FSIP2: variants seen among roughly 807,000 people sequenced by gnomAD.
FSIP2 encodes fibrous sheath-interacting protein 2.
A neutral mutation model predicts 510.5 loss-of-function variants in FSIP2; 367 were observed. The ratio of observed to expected loss-of-function variants is 0.72; its 90% CI spans 0.66 to 0.78. The LOEUF is 0.78. FSIP2 is among the 30% of genes least tolerant of loss of function. FSIP2 has a pLI of 0.00. For synonymous variants in FSIP2, 2,601 were observed against 2,732.2 expected, an observed-to-expected ratio of 0.95 and a Z score of 1.50; for missense variants, 7,594 against 7,901.7, an observed-to-expected ratio of 0.96 and a Z score of 1.48.
Position 185,801,396 on chromosome 2 carries a change from A to C in FSIP2, c.12090A>C (p.Glu4030Asp). The change falls in exon 17 of 23, where the codon GAA (glutamate) becomes GAC (aspartate). Residue 4030 changes from glutamate (E) to aspartate (D), a missense_variant. Transcript: ENST00000424728. ...NAQVTVLRNA[E>D]ERLCFPPVHT... ...AAGTCACTGTTCTACGGAATGCTGA[A>C]GAAAGGCTGTGTTTTCCACCAGTTC... 1 of 1,534,212 alleles carries C rather than the reference A, an allele frequency of 6.5e-7. No individual in the cohort carries two copies. Among genetic ancestry groups the C allele is most frequent in the Non-Finnish European group, 8.7e-7 (1 of 1,145,636 alleles).
At position 185,746,292 on chromosome 2, in the gene FSIP2, T is replaced by G. The variant is rs571675618; in HGVS notation, c.618-377T>G. Among the ~76,000 whole-genome samples the G allele has an allele frequency of 2.0e-3, 305 of 152,216 alleles. 4 individuals carry two copies. The highest frequency in any genetic ancestry group is 7.1e-3 in the African/African-American group (296 of 41,536). On this transcript the variant is annotated intron_variant, in intron 5 of 22. Transcript: ENST00000424728. ...CTTAGAGAATTCAAATGGACTGTTT[T>G]TTTTTTTCCACATTTGAAGTTACTG...
intron 13 of FSIP2, among the ~76,000 whole-genome samples, chr2:185,767,333 A>G (rs1033534301): frequency 3.3e-5 from 5 of 151,880 alleles, no homozygotes; most frequent in African/African-American, 1.2e-4. Context: ...AATAAAAATA[A>G]AAAAATAAAA....
chr2:185,801,370 C>A lies in FSIP2; in HGVS notation c.12064C>A (p.Gln4022Lys). The change falls in exon 17 of 23, where the codon CAA (glutamine) becomes AAA (lysine). Residue 4022 changes from glutamine (Q) to lysine (K), a missense_variant. Gln to Lys is a moderately conservative substitution (Grantham distance 53, BLOSUM62 1). Transcript: ENST00000424728. The stretch of plus-strand genomic sequence containing the variant: ...TGTAGTGAATGAATTTAATAATGCT[C>A]AAGTCACTGTTCTACGGAATGCTGA... ...NNVVNEFNNA[Q>K]VTVLRNAEER... The A allele has an allele frequency of 6.5e-7, 1 of 1,534,002 alleles. No homozygotes were observed. The highest frequency in any genetic ancestry group is 8.7e-7 in the Non-Finnish European group (1 of 1,145,554).
chr2:185,743,078 A>T, intron 2 of FSIP2, 55 bp from the exon 3 acceptor site: 1 of 1,106,238 alleles, frequency 9.0e-7, no homozygotes, highest in Non-Finnish European at 1.2e-6. Context: ...ATTTTGATAG[A>T]TTATTTAAAG....
At chr2:185,740,992 TTCTAC>T (rs1574149741) in intron 2 of FSIP2, among the ~76,000 whole-genome samples, 1 of 152,306 alleles carries the variant, frequency 6.6e-6, no homozygotes, top group East Asian at 1.9e-4. Context: ...AACTAATCTG[TTCTAC>T]TAGATTAGAG....
intron 6 of FSIP2, among the ~76,000 whole-genome samples, chr2:185,747,075 C>T (rs1250170406): frequency 1.3e-5 from 2 of 152,030 alleles, no homozygotes; most frequent in African/African-American, 4.8e-5. Flanking sequence ...TCTTAATGCC[C>T]TTATTGTGGA....
chr2:185,812,964 C>T (rs1574202873), intron 17 of FSIP2, among the ~76,000 whole-genome samples: 1 of 151,934 alleles, frequency 6.6e-6, no homozygotes, highest in East Asian at 1.9e-4. Context: ...CTGTCTTTAA[C>T]ATTGACATTG....
chr2:185,778,690 G>T (rs1404756712), intron 13 of FSIP2, among the ~76,000 whole-genome samples: 1 of 151,876 alleles, frequency 6.6e-6, no homozygotes, highest in East Asian at 1.9e-4. Context: ...TAGTTTCTGT[G>T]TGGTTGAAAA....
At chr2:185,750,348 G>C (rs1324698857) in intron 7 of FSIP2, among the ~76,000 whole-genome samples, 1 of 151,588 alleles carries the variant, frequency 6.6e-6, no homozygotes, top group Non-Finnish European at 1.5e-5. Flanking sequence ...TAAAAGTTTT[G>C]ATAGTGTATT....
At position 185,764,507 on chromosome 2, in the gene FSIP2, G is replaced by A; in HGVS notation, c.1353G>A (p.Glu451=). 6.5e-7 allele frequency: 1 copy of A among 1,529,818 alleles called. No individual in the cohort carries two copies. Among genetic ancestry groups the A allele is most frequent in the Non-Finnish European group, 8.8e-7 (1 of 1,142,594 alleles). The allele number at this position is 1,529,818 out of a possible 1,614,324, so 94.8% of individuals were successfully genotyped here. A position where few individuals can be genotyped will look rare whatever the true frequency, so the allele number is the denominator to read the frequency against. ...AFLDPSKEEK[E]TNADWDGRPT... is the part of the protein sequence containing the mutation. ...TGCTGTTGTGAATTATGTAGAAGGA[G>A]ACAAATGCTGATTGGGATGGAAGAC... Residue 451 remains glutamate, a synonymous_variant, in exon 13 of 23, where the codon GAG becomes GAA. Coordinates refer to ENST00000424728, the MANE Select transcript of FSIP2 (RefSeq NM_173651.4).
rs766998188 is a variant in FSIP2 at position 185,795,639 on chromosome 2, G to A, written c.8503G>A (p.Gly2835Ser). The A allele has an allele frequency of 6.5e-7, 1 of 1,534,198 alleles. No individual in the cohort carries two copies. The highest frequency in any genetic ancestry group is 1.2e-5 in the South Asian group (1 of 83,836). The change falls in exon 16 of 23, where the codon GGT (glycine) becomes AGT (serine). Residue 2835 changes from glycine to serine, a missense_variant. Physicochemically the swap from Gly to Ser is moderately conservative, Grantham distance 56. Coordinates refer to ENST00000424728, the MANE Select transcript of FSIP2 (RefSeq NM_173651.4). ...GCTAGAGCACATTTTTCCTAGAGAA[G>A]GTATATTTAAAAAATTGTTTGACAA... ...SQLEHIFPRE[G>S]IFKKLFDKWQ... is the part of the protein sequence containing the mutation.
chr2:185,798,104 A>T (rs1216049651), intron 16 of FSIP2, among the ~76,000 whole-genome samples: 1 of 151,910 alleles, frequency 6.6e-6, no homozygotes, highest in Non-Finnish European at 1.5e-5. Flanking sequence ...ATGAGAGAAA[A>T]TGAGGCCATT....
chr2:185,780,164 C>T lies in FSIP2; in HGVS notation c.1412-2541C>T, dbSNP rs193077801. ...TAAGTGATTCTTCCGTCCCCCACCT[C>T]GGGCTGTTTTTAAGATGTTTTCTTT... On this transcript the variant is annotated intron_variant, in intron 13 of 22. Coordinates refer to ENST00000424728, the MANE Select transcript of FSIP2 (RefSeq NM_173651.4). 6.6e-5 allele frequency among the ~76,000 whole-genome samples: 10 copies of T among 151,912 alleles called. 1 individual carries two copies. Among genetic ancestry groups the T allele is most frequent in the Admixed American group, 6.6e-4 (10 of 15,256 alleles).
chr2:185,801,810 T>A lies in FSIP2; in HGVS notation c.12504T>A (p.Tyr4168Ter), dbSNP rs1693443317. 1 of 1,490,304 alleles carries A rather than the reference T, an allele frequency of 6.7e-7. No homozygotes were observed. The highest frequency in any genetic ancestry group is 1.4e-5 in the African/African-American group (1 of 70,646). 92.3% of individuals were successfully genotyped at this position (1,490,304 alleles called of 1,614,324 possible). A position where few individuals can be genotyped will look rare whatever the true frequency, so the allele number is the denominator to read the frequency against. Residue 4168 changes from tyrosine (Y) to a stop codon, truncating the protein, a stop_gained, in exon 17 of 23, where the codon TAT (tyrosine) becomes TAA (stop). Transcript: ENST00000424728. LOFTEE classifies it high-confidence loss of function. ...CATGTTCCTCTTTAGGAAAAAAATA[T>A]TTAATGAGTTCTGATTTTAATGAAA... ...PITCSSLGKK[Y>*]LMSSDFNEMS...
Position 185,745,587 on chromosome 2 carries a change from C to A in FSIP2, c.617+19C>A. 8 of 1,523,536 alleles carry A rather than the reference C, an allele frequency of 5.3e-6. No homozygotes were observed. Among genetic ancestry groups the A allele is most frequent in the Non-Finnish European group, 7.0e-6 (8 of 1,141,070 alleles). The allele number at this position is 1,523,536 out of a possible 1,614,324, so 94.4% of individuals were successfully genotyped here. ...GGCATAGGTAAGATTAAAGTTGAGG[C>A]ATATTTTATGGGTATGTTGTGGACC... On this transcript the variant is annotated intron_variant, in intron 5 of 22. Transcript: ENST00000424728.
At chr2:185,762,603 G>T (rs920787316) in intron 11 of FSIP2, among the ~76,000 whole-genome samples, 1 of 151,374 alleles carries the variant, frequency 6.6e-6, no homozygotes, top group African/African-American at 2.4e-5. Context: ...AACCTAAGTT[G>T]CCTTGGACTC....
intron 22 of FSIP2, 129 bp from the exon 23 acceptor site, chr2:185,832,961 C>A (rs34199041): frequency 0.063 from 43,858 of 699,026 alleles, 1,717 homozygotes; most frequent in Middle Eastern, 0.11. Flanking sequence ...ATAATGATGC[C>A]ATGAGAGTCA....
At chr2:185,741,637 A>G (rs1691924834) in intron 2 of FSIP2, among the ~76,000 whole-genome samples, 1 of 152,212 alleles carries the variant, frequency 6.6e-6, no homozygotes, top group Non-Finnish European at 1.5e-5. Context: ...GATTCACTGA[A>G]TTCAAGACTC....
chr2:185,750,283 T>C (rs1223195851), intron 7 of FSIP2, among the ~76,000 whole-genome samples: 1 of 151,706 alleles, frequency 6.6e-6, no homozygotes, highest in Non-Finnish European at 1.5e-5. Context: ...CATTTGGGTA[T>C]GAGGTTTCTT....
Sources: allele counts gnomAD v4.1 joint callset (sites outside exome capture counted in the v4.1 genomes callset), GRCh38; gene constraint gnomAD v4.1.1; transcripts MANE v1.5; gene names NCBI Gene and HGNC (gene_info 2026-07-23, HGNC 2026-07-21).